The following AUTS2 variants were observed in gnomAD, a reference collection of about 807,000 sequenced individuals.
AUTS2 encodes the protein activator of transcription and developmental regulator AUTS2.
A neutral mutation model predicts 112.4 loss-of-function variants in AUTS2; 17 were observed. The observed-to-expected ratio is 0.15, with a 90% CI of 0.10 to 0.23. The LOEUF is 0.23. AUTS2 is among the 10% of genes least tolerant of loss of function. The pLI, the probability that AUTS2 is intolerant of heterozygous loss-of-function variation, is 1.00. For synonymous variants in AUTS2, 751 were observed against 702.7 expected, an observed-to-expected ratio of 1.07 and a Z score of -1.09; for missense variants, 1,510 against 1,701.6, an observed-to-expected ratio of 0.89 and a Z score of 1.98.
chr7:70,395,226 T>G (rs1794026739), intron 4 of AUTS2, among the ~76,000 whole-genome samples: 1 of 151,792 alleles, frequency 6.6e-6, no homozygotes, highest in African/African-American at 2.4e-5. Flanking sequence ...TCTAGAACCA[T>G]AGTGTTCCCC....
chr7:70,402,299 G>T (rs952704088), intron 4 of AUTS2, among the ~76,000 whole-genome samples: 1 of 152,234 alleles, frequency 6.6e-6, no homozygotes, highest in Admixed American at 6.5e-5. Flanking sequence ...ACTTGATAGG[G>T]ACAGCATAAA....
intron 1 of AUTS2, among the ~76,000 whole-genome samples, chr7:69,887,151 C>T (rs1046197343): frequency 3.3e-5 from 5 of 152,118 alleles, no homozygotes; most frequent in Admixed American, 6.5e-5. Context: ...CAGTGGCTCA[C>T]GCCTGTAATC....
chr7:70,095,742 A>G (rs1445813183), intron 2 of AUTS2, among the ~76,000 whole-genome samples: 2 of 152,202 alleles, frequency 1.3e-5, no homozygotes, highest in Non-Finnish European at 2.9e-5. Flanking sequence ...GGGCTTCTAG[A>G]TGCTGTAGAC....
intron 4 of AUTS2, among the ~76,000 whole-genome samples, chr7:70,354,447 C>T (rs868561502): frequency 6.6e-6 from 1 of 152,212 alleles, no homozygotes; most frequent in Non-Finnish European, 1.5e-5. Flanking sequence ...ATACTCTGTG[C>T]CAGGCTTTGT....
At chr7:70,511,556 A>ATTGTCTTTTTTTTTTTTTTTTT (rs1563005631) in intron 5 of AUTS2, among the ~76,000 whole-genome samples, 1 of 41,766 alleles carries the variant, frequency 2.4e-5, no homozygotes. Context: ...ACTTTTTTTC[A>ATTGTCTTTTTTTTTTTTTTTTT]TTTTCTTTTT....
chr7:70,184,479 T>C (rs1406735316), intron 4 of AUTS2, among the ~76,000 whole-genome samples: 2 of 152,202 alleles, frequency 1.3e-5, no homozygotes, highest in Non-Finnish European at 2.9e-5. Context: ...TGCAAGAACA[T>C]GACTACTTGG....
chr7:69,736,347 C>G (rs1787030680), intron 1 of AUTS2, among the ~76,000 whole-genome samples: 1 of 152,144 alleles, frequency 6.6e-6, no homozygotes, highest in Non-Finnish European at 1.5e-5. Flanking sequence ...AATTGGGAAA[C>G]CTATTGGCTG....
intron 2 of AUTS2, among the ~76,000 whole-genome samples, chr7:70,003,245 T>A (rs1482518082): frequency 7.6e-6 from 1 of 130,814 alleles, no homozygotes; most frequent in African/African-American, 3.0e-5. Context: ...TATGAATATA[T>A]TATATATGAA....
chr7:70,499,549 C>T (rs1562997235), intron 5 of AUTS2, among the ~76,000 whole-genome samples: 1 of 152,212 alleles, frequency 6.6e-6, no homozygotes, highest in East Asian at 1.9e-4. Flanking sequence ...CTTCCAATTA[C>T]GTACCACTCC....
intron 2 of AUTS2, among the ~76,000 whole-genome samples, chr7:70,084,828 C>T (rs1803509677): frequency 6.6e-6 from 1 of 151,912 alleles, no homozygotes; most frequent in Non-Finnish European, 1.5e-5. Context: ...TTTTTATTCT[C>T]TTAACAGCGT....
intron 1 of AUTS2, among the ~76,000 whole-genome samples, chr7:69,608,173 A>G (rs972351471): frequency 2.6e-5 from 4 of 152,130 alleles, no homozygotes; most frequent in African/African-American, 9.7e-5. Context: ...GGCTCAAGCA[A>G]TCCACCCTCC....
At chr7:70,686,723 G>A (rs148209587) in intron 5 of AUTS2, among the ~76,000 whole-genome samples, 3 of 151,906 alleles carry the variant, frequency 2.0e-5, no homozygotes, top group African/African-American at 7.2e-5. Flanking sequence ...AGTAGAGATG[G>A]GGTTTTACCA....
intron 1 of AUTS2, among the ~76,000 whole-genome samples, chr7:69,856,876 A>G (rs1318663715): frequency 6.6e-6 from 1 of 152,166 alleles, no homozygotes; most frequent in Non-Finnish European, 1.5e-5. Context: ...GACTGATGGT[A>G]TATTGGAACA....
intron 4 of AUTS2, among the ~76,000 whole-genome samples, chr7:70,343,827 G>T (rs1410058167): frequency 2.0e-5 from 3 of 152,120 alleles, no homozygotes; most frequent in Non-Finnish European, 4.4e-5. Context: ...GCAACAGTGT[G>T]TGTTAGAGGA....
intron 5 of AUTS2, among the ~76,000 whole-genome samples, chr7:70,497,235 AC>A (rs1798588219): frequency 1.1e-5 from 1 of 88,486 alleles, no homozygotes; most frequent in African/African-American, 4.6e-5. Flanking sequence ...CACACACCCC[AC>A]TCACACACAC....
At chr7:69,951,288 C>T (rs370168504) in intron 2 of AUTS2, among the ~76,000 whole-genome samples, 1 of 151,818 alleles carries the variant, frequency 6.6e-6, no homozygotes, top group Non-Finnish European at 1.5e-5. Context: ...ACTCTTGAGT[C>T]TTCAGGCTTT....
chr7:70,034,302 G>A (rs1269720198), intron 2 of AUTS2, among the ~76,000 whole-genome samples: 1 of 152,146 alleles, frequency 6.6e-6, no homozygotes, highest in Non-Finnish European at 1.5e-5. Flanking sequence ...CATTAAATAA[G>A]TAACTCTGTG....
At chr7:70,273,516 G>T (rs375892110) in intron 4 of AUTS2, among the ~76,000 whole-genome samples, 5 of 151,248 alleles carry the variant, frequency 3.3e-5, no homozygotes, top group Admixed American at 6.6e-5. Flanking sequence ...CTATAACTTA[G>T]AATTCTATTT....
At chr7:70,516,902 C>CT (rs1316897650) in intron 5 of AUTS2, among the ~76,000 whole-genome samples, 1 of 152,000 alleles carries the variant, frequency 6.6e-6, no homozygotes, top group African/African-American at 2.4e-5. Flanking sequence ...GTTTGATCAT[C>CT]TGTTTCCTGG....
Sources: allele counts gnomAD v4.1 joint callset (sites outside exome capture counted in the v4.1 genomes callset), GRCh38; gene constraint gnomAD v4.1.1; transcripts MANE v1.5; gene names NCBI Gene and HGNC (gene_info 2026-07-23, HGNC 2026-07-21).